Variants in SCN1A observed in about 807,000 individuals in gnomAD.
SCN1A encodes sodium channel protein type 1 subunit alpha.
SCN1A carries 13 observed loss-of-function variants against 193.7 expected under a neutral mutation model. The ratio of observed to expected loss-of-function variants is 0.07; its 90% CI spans 0.04 to 0.11. The LOEUF (loss-of-function observed/expected upper bound fraction) is 0.11, where lower values mean the gene tolerates loss of function less well. SCN1A is among the 10% of genes least tolerant of loss of function. The pLI, the probability that SCN1A is intolerant of heterozygous loss-of-function variation, is 1.00. For synonymous variants in SCN1A, 781 were observed against 843.6 expected (o/e 0.93, Z 1.29); for missense variants, 1,432 against 2,451.1 (o/e 0.58, Z 8.78).
At chr2:166,069,200 A>T (rs1394951085) in intron 4 of SCN1A, among the ~76,000 whole-genome samples, 3 of 152,210 alleles carry the variant, frequency 2.0e-5, no homozygotes, top group Non-Finnish European at 4.4e-5. Flanking sequence ...AGCTAACATG[A>T]TATGAAAAAT....
In SCN1A at chr2:166,045,302, T is replaced by G; in HGVS notation, c.1403A>C (p.Glu468Ala). 6.2e-7 allele frequency: 1 copy of G among 1,614,180 alleles called. No individual in the cohort carries two copies. Among genetic ancestry groups the G allele is most frequent in the East Asian group, 2.2e-5 (1 of 44,888 alleles). Residue 468 changes from glutamate to alanine, a missense_variant, in exon 13 of 29, where the codon GAA becomes GCA. Physicochemically the swap from Glu to Ala is moderately radical, Grantham distance 107. This residue lies in a region of SCN1A where 58 missense variants were observed against 103.4 expected (regional missense o/e 0.56). Transcript: ENST00000674923. ...AQQAATATAS[E>A]HSREPSAAGR... is the part of the protein sequence containing the mutation. Reference sequence around the variant, plus strand: ...TGCTGCACTGGGCTCTCTGGAATGTTCTGAGGCAGTTGCCGTTGCTGCCTG... The same window carrying G: ...TGCTGCACTGGGCTCTCTGGAATGTGCTGAGGCAGTTGCCGTTGCTGCCTG...
intron 13 of SCN1A, 44 bp downstream of exon 13, chr2:166,044,999 T>G: frequency 6.2e-7 from 1 of 1,603,376 alleles, no homozygotes; most frequent in Non-Finnish European, 8.5e-7. Flanking sequence ...CTCTCCCATG[T>G]TTTAATTTTC....
intron 2 of SCN1A, among the ~76,000 whole-genome samples, chr2:166,120,018 TAAC>T (rs1286438338): frequency 4.6e-5 from 7 of 151,976 alleles, no homozygotes; most frequent in Admixed American, 4.6e-4. Context: ...AATAAATTAT[TAAC>T]AATAATAATT....
intron 1 of SCN1A, among the ~76,000 whole-genome samples, chr2:166,136,631 G>A (rs1273070167): frequency 6.6e-6 from 1 of 152,182 alleles, no homozygotes; most frequent in African/African-American, 2.4e-5. Flanking sequence ...ATGCAGTCAT[G>A]GTCCTAGCAG....
chr2:166,027,428 A>AT (rs1022998186), intron 19 of SCN1A, among the ~76,000 whole-genome samples: 14 of 152,096 alleles, frequency 9.2e-5, no homozygotes, highest in African/African-American at 3.4e-4. Flanking sequence ...CAATGTTTAT[A>AT]TTTTTATTTT....
At chr2:166,039,327 A>T in intron 17 of SCN1A, 96 bp downstream of exon 17, 1 of 1,246,590 alleles carries the variant, frequency 8.0e-7, no homozygotes, top group Non-Finnish European at 1.1e-6. Flanking sequence ...TTACAATGCT[A>T]ATGGTTGTGT....
rs376901032 is a variant in SCN1A, at chr2:166,013,852, G to A, written c.3597C>T (p.Gly1199=). The change falls in exon 21 of 29, where the codon GGC becomes GGT. Residue 1199 remains glycine, a synonymous_variant. Coordinates refer to ENST00000674923, the MANE Select transcript of SCN1A (RefSeq NM_001165963.4). The part of the protein sequence containing the change: ...FKCCQINVEE[G]RGKQWWNLRR... The stretch of plus-strand genomic sequence containing the variant: ...TCAGGTTCCACCATTGTTTTCCTCT[G>A]CCTTCTTCCACATTGATTTGACAAC... 3.7e-6 allele frequency: 6 copies of A among 1,612,168 alleles called. No individual in the cohort carries two copies. The African/African-American group carries it at 6.7e-5, about 18-fold the overall frequency.
Position 166,052,766 on chromosome 2 carries a change from C to T in SCN1A, c.694+86G>A, listed in dbSNP as rs370000691. 28 of 1,126,788 alleles carry T rather than the reference C, an allele frequency of 2.5e-5. No individual in the cohort carries two copies. The South Asian group carries it at 3.0e-4, about 12-fold the overall frequency. The allele number at this position is 1,126,788 out of a possible 1,614,324, so 69.8% of individuals were successfully genotyped here. On this transcript the variant is annotated intron_variant, in intron 8 of 28. Coordinates refer to ENST00000674923, the MANE Select transcript of SCN1A (RefSeq NM_001165963.4). ...TTTGAAACACCTAGTCTTATGATTC[C>T]TGATTTTCTGTAAAACTGAATGTCA...
intron 16 of SCN1A, among the ~76,000 whole-genome samples, chr2:166,040,327 TA>T (rs927573236): frequency 5.9e-5 from 9 of 152,352 alleles, no homozygotes; most frequent in Admixed American, 5.9e-4. Flanking sequence ...CACTTTTATT[TA>T]TCTATAAGCT....
rs1255613281 is a variant in SCN1A, at chr2:166,056,282, C to T, written c.473+129G>A. On this transcript the variant is annotated intron_variant, in intron 6 of 28. Transcript: ENST00000674923. ...CCTGAGGGCCAATGAGCATTGTCCT[C>T]TTGCTGCGTAATTTTGTCTAGGAAT... 7.4e-6 allele frequency: 5 copies of T among 679,766 alleles called. No homozygotes were observed. The African/African-American group carries it at 9.0e-5, about 12-fold the overall frequency. The allele number at this position is 679,766 out of a possible 1,614,324, so 42.1% of individuals were successfully genotyped here. A position where few individuals can be genotyped will look rare whatever the true frequency, so the allele number is the denominator to read the frequency against.
At chr2:166,063,947 A>G (rs552811789) in intron 4 of SCN1A, among the ~76,000 whole-genome samples, 2 of 152,220 alleles carry the variant, frequency 1.3e-5, no homozygotes, top group African/African-American at 4.8e-5. Context: ...CCTAAACTTA[A>G]ACCATCCATT....
chr2:166,077,330 C>T (rs754730965), intron 3 of SCN1A, among the ~76,000 whole-genome samples: 1 of 151,664 alleles, frequency 6.6e-6, no homozygotes, highest in Non-Finnish European at 1.5e-5. Context: ...AGGACTGTTA[C>T]CCCAAACATG....
chr2:166,050,021 A>AG (rs1698344915), intron 9 of SCN1A, among the ~76,000 whole-genome samples: 1 of 152,076 alleles, frequency 6.6e-6, no homozygotes, highest in South Asian at 2.1e-4. Context: ...TACAGGACAC[A>AG]GAAGCACATA....
intron 2 of SCN1A, among the ~76,000 whole-genome samples, chr2:166,097,579 G>A (rs1408562440): frequency 6.6e-6 from 1 of 151,534 alleles, no homozygotes; most frequent in Non-Finnish European, 1.5e-5. Context: ...ATGTTCAAAG[G>A]TACTTGTATT....
At chr2:166,084,503 C>T (rs78001108) in intron 2 of SCN1A, among the ~76,000 whole-genome samples, 4,124 of 152,076 alleles carry the variant, frequency 0.027, 213 homozygotes, top group African/African-American at 0.095. Flanking sequence ...GGAAATAGTG[C>T]CTGAGTCAGC....
At chr2:166,118,414 G>A (rs1690151686) in intron 2 of SCN1A, among the ~76,000 whole-genome samples, 1 of 131,778 alleles carries the variant, frequency 7.6e-6, no homozygotes, top group Admixed American at 9.1e-5. Context: ...TTTTTGGAAT[G>A]TCTTCCAAAG....
intron 4 of SCN1A, among the ~76,000 whole-genome samples, chr2:166,061,582 C>G (rs1352992285): frequency 1.3e-5 from 2 of 151,936 alleles, no homozygotes; most frequent in African/African-American, 4.8e-5. Flanking sequence ...GTTCCCAACA[C>G]AAAAAATGAT....
rs929669072 is a variant in SCN1A, at chr2:165,990,467, A to T, written c.*778T>A. The T allele has an allele frequency of 6.6e-6, 1 of 152,388 alleles. No individual in the cohort carries two copies. Among genetic ancestry groups the T allele is most frequent in the African/African-American group, 2.4e-5 (1 of 41,372 alleles). The allele number at this position is 152,388 out of a possible 1,614,324, so 9.4% of individuals were successfully genotyped here. A position where few individuals can be genotyped will look rare whatever the true frequency, so the allele number is the denominator to read the frequency against. On this transcript the variant is annotated 3_prime_UTR_variant, in exon 29 of 29. Transcript: ENST00000674923. ...AACAAAAAGAAACATAACATTTATGACTCCAAACATTTGAATGAAGTTTGC... is the reference window on the plus strand; with the variant it reads ...AACAAAAAGAAACATAACATTTATGTCTCCAAACATTTGAATGAAGTTTGC...
intron 2 of SCN1A, among the ~76,000 whole-genome samples, chr2:166,124,808 AC>A (rs2106265418): frequency 6.6e-6 from 1 of 152,258 alleles, no homozygotes; most frequent in South Asian, 2.1e-4. Flanking sequence ...TAACTGTATA[AC>A]CCAGCAAGTT....
Sources: gnomAD v4.1 joint callset for allele counts (sites outside exome capture counted in the v4.1 genomes callset) on GRCh38, gnomAD v4.1.1 for gene constraint, gnomAD v4.1.1 regional missense constraint, MANE v1.5 for transcripts, NCBI Gene and HGNC (gene_info 2026-07-23, HGNC 2026-07-21) for gene names.